Variants in FOXO3 observed in about 807,000 individuals in gnomAD.
The protein encoded by FOXO3 is forkhead box protein O3.
A neutral mutation model predicts 41.9 loss-of-function variants in FOXO3; 4 were observed. That is an observed-to-expected ratio of 0.10 (90% CI 0.05 to 0.22). FOXO3 has a LOEUF of 0.22. FOXO3 is among the 10% of genes least tolerant of loss of function. The probability of loss-of-function intolerance (pLI) is 1.00; values close to 1 mark genes in which losing one functional copy is unlikely to be tolerated. For missense variants in FOXO3, 534 were observed against 906.8 expected, an observed-to-expected ratio of 0.59 and a Z score of 5.28; for synonymous variants, 318 against 389.3, an observed-to-expected ratio of 0.82 and a Z score of 2.16.
chr6:108,586,729 G>A (rs1305177075), intron 1 of FOXO3, among the ~76,000 whole-genome samples: 1 of 152,038 alleles, frequency 6.6e-6, no homozygotes, highest in Non-Finnish European at 1.5e-5. Flanking sequence ...GGACGTAGCA[G>A]AAGGGGATGG....
chr6:108,578,407 A>T (rs561325221), intron 1 of FOXO3, among the ~76,000 whole-genome samples: 1 of 152,322 alleles, frequency 6.6e-6, no homozygotes, highest in African/African-American at 2.4e-5. Flanking sequence ...GGGAAAAAAT[A>T]TGGTGGTATC....
intron 1 of FOXO3, among the ~76,000 whole-genome samples, chr6:108,566,845 C>T (rs374613232): frequency 6.6e-6 from 1 of 152,140 alleles, no homozygotes; most frequent in African/African-American, 2.4e-5. Flanking sequence ...AATGCAAAGA[C>T]GAGTTGATAT....
At chr6:108,649,512 C>T (rs1778489426) in intron 1 of FOXO3, among the ~76,000 whole-genome samples, 1 of 144,994 alleles carries the variant, frequency 6.9e-6, no homozygotes, top group African/African-American at 2.6e-5. Flanking sequence ...CCACCACCCT[C>T]AGCTTTTTTT....
chr6:108,584,303 A>T (rs1182390132), intron 1 of FOXO3, among the ~76,000 whole-genome samples: 1 of 152,230 alleles, frequency 6.6e-6, no homozygotes, highest in African/African-American at 2.4e-5. Context: ...CTCTGCCATC[A>T]TTCATTATTT....
chr6:108,608,757 A>T (rs1777276752), intron 1 of FOXO3, among the ~76,000 whole-genome samples: 1 of 152,208 alleles, frequency 6.6e-6, no homozygotes, highest in Non-Finnish European at 1.5e-5. Flanking sequence ...AGGGTTTCAC[A>T]TTTCTAATAG....
At chr6:108,648,451 T>G (rs1384676803) in intron 1 of FOXO3, among the ~76,000 whole-genome samples, 49 of 152,210 alleles carry the variant, frequency 3.2e-4, no homozygotes, top group Non-Finnish European at 4.4e-5. Flanking sequence ...TCACCCCTGC[T>G]CCCTTTGATT....
At position 108,569,987 on chromosome 6, in the gene FOXO3, G is replaced by GTTTTTTTTTT. The variant is rs71015551; in HGVS notation, c.621+8179_621+8188dup. Among the ~76,000 whole-genome samples the GTTTTTTTTTT allele has an allele frequency of 9.6e-4, 70 of 73,260 alleles. 9 individuals carry two copies. Among genetic ancestry groups the GTTTTTTTTTT allele is most frequent in the Non-Finnish European group, 1.3e-3 (52 of 41,560 alleles). The allele number at this position is 73,260 out of a possible 152,430, so 48.1% of individuals were successfully genotyped here. The stretch of plus-strand genomic sequence containing the variant: ...TCCACATCATGTTTTCCCTTGCGTG[G>GTTTTTTTTTT]TTTTTTTTTTTTTTTTTTTTTTTTT... On this transcript the variant is annotated intron_variant, in intron 1 of 2. Coordinates refer to ENST00000406360, the MANE Select transcript of FOXO3 (RefSeq NM_001455.4).
At chr6:108,670,201 T>C (rs1779178284) in intron 2 of FOXO3, among the ~76,000 whole-genome samples, 1 of 152,062 alleles carries the variant, frequency 6.6e-6, no homozygotes, top group African/African-American at 2.4e-5. Flanking sequence ...CTTCCCTGAC[T>C]TGGAGACACA....
At chr6:108,615,358 C>T (rs1223599041) in intron 1 of FOXO3, among the ~76,000 whole-genome samples, 5 of 152,104 alleles carry the variant, frequency 3.3e-5, no homozygotes, top group Admixed American at 2.0e-4. Context: ...TTTTGAAAGA[C>T]ACTTTTAATA....
chr6:108,570,623 C>T (rs1248159150), intron 1 of FOXO3, among the ~76,000 whole-genome samples: 1 of 152,144 alleles, frequency 6.6e-6, no homozygotes, highest in African/African-American at 2.4e-5. Flanking sequence ...CCCCTGCAAC[C>T]AGCCTTCCTT....
intron 1 of FOXO3, among the ~76,000 whole-genome samples, chr6:108,573,370 C>T (rs1776163778): frequency 6.6e-6 from 1 of 152,192 alleles, no homozygotes; most frequent in Admixed American, 6.5e-5. Flanking sequence ...TTCTTTACCT[C>T]TATCCCCAGG....
chr6:108,652,725 A>G (rs757191765), intron 1 of FOXO3, among the ~76,000 whole-genome samples: 19 of 152,272 alleles, frequency 1.2e-4, no homozygotes, highest in Non-Finnish European at 2.1e-4. Context: ...CACCACATAC[A>G]TGAATTTCCT....
chr6:108,565,387 T>C (rs117621587), intron 1 of FOXO3, among the ~76,000 whole-genome samples: 1,556 of 152,326 alleles, frequency 0.01, 30 homozygotes, highest in Middle Eastern at 0.051. Flanking sequence ...AAAGGTTACA[T>C]TTCCTTTAAT....
rs1775768614 is a variant in FOXO3, at chr6:108,561,087, C to T, written c.-122C>T. 1.4e-6 allele frequency: 2 copies of T among 1,412,538 alleles called. No homozygotes were observed. The highest frequency in any genetic ancestry group is 3.0e-5 in the East Asian group (1 of 33,086). 87.5% of individuals were successfully genotyped at this position (1,412,538 alleles called of 1,614,324 possible). ...CTCTCTTCTTTGGTGCTTCCCCAGG[C>T]GGCGGCGGCGGCGCCCGGGAGCCGG... On this transcript the variant is annotated 5_prime_UTR_variant, in exon 1 of 3. Transcript: ENST00000406360.
At chr6:108,663,391 T>C in intron 1 of FOXO3, 64 bp from the exon 2 acceptor site, 1 of 1,521,098 alleles carries the variant, frequency 6.6e-7, no homozygotes, top group Non-Finnish European at 8.8e-7. Flanking sequence ...ATTTACTATA[T>C]CATCTGGGTG....
chr6:108,633,365 G>T (rs963158554), intron 1 of FOXO3, among the ~76,000 whole-genome samples: 4 of 151,964 alleles, frequency 2.6e-5, no homozygotes, highest in Admixed American at 2.6e-4. Flanking sequence ...TTGGCAAATA[G>T]AAGAGAAGGA....
chr6:108,625,841 T>C (rs12214494), intron 1 of FOXO3, among the ~76,000 whole-genome samples: 46 of 152,316 alleles, frequency 3.0e-4, no homozygotes, highest in Non-Finnish European at 4.9e-4. Context: ...AGTGAGATTA[T>C]GTAGTATTAG....
At chr6:108,627,162 C>T (rs1010304287) in intron 1 of FOXO3, among the ~76,000 whole-genome samples, 6 of 152,158 alleles carry the variant, frequency 3.9e-5, no homozygotes, top group African/African-American at 1.4e-4. Flanking sequence ...TTATGTGAGA[C>T]CATTTTCAGA....
At chr6:108,597,511 A>G (rs1465275574) in intron 1 of FOXO3, among the ~76,000 whole-genome samples, 1 of 152,110 alleles carries the variant, frequency 6.6e-6, no homozygotes. Context: ...GCCTTGTGGT[A>G]TTTGTACCTA....
Sources: gnomAD v4.1 joint callset for allele counts (sites outside exome capture counted in the v4.1 genomes callset) on GRCh38, gnomAD v4.1.1 for gene constraint, MANE v1.5 for transcripts, NCBI Gene and HGNC (gene_info 2026-07-23, HGNC 2026-07-21) for gene names.